LRRTM4: variants seen among roughly 807,000 people sequenced by gnomAD.
LRRTM4 encodes the protein leucine rich repeat transmembrane neuronal 4.
Under a neutral mutation model 47.6 loss-of-function variants are expected in LRRTM4, and 25 were observed. The observed-to-expected ratio is 0.53, with a 90% confidence interval of 0.38 to 0.73. The LOEUF is 0.73. LRRTM4 is among the 30% of genes least tolerant of loss of function. LRRTM4 has a pLI of 0.00. For missense variants in LRRTM4, 638 were observed against 713.4 expected, an observed-to-expected ratio of 0.89 and a Z score of 1.20; for synonymous variants, 311 against 269.5, an observed-to-expected ratio of 1.15 and a Z score of -1.51.
chr2:77,204,693 G>C (rs563982677), intron 3 of LRRTM4, among the ~76,000 whole-genome samples: 2 of 152,104 alleles, frequency 1.3e-5, no homozygotes, highest in Non-Finnish European at 2.9e-5. Context: ...TTGTTAAAAA[G>C]TTTGATTGTG....
At chr2:77,404,163 C>T (rs1674074997) in intron 3 of LRRTM4, among the ~76,000 whole-genome samples, 1 of 151,852 alleles carries the variant, frequency 6.6e-6, no homozygotes, top group South Asian at 2.1e-4. Context: ...GTTCTTATTA[C>T]AGGAATACCA....
At chr2:77,087,667 T>A (rs1025756329) in intron 3 of LRRTM4, among the ~76,000 whole-genome samples, 1 of 152,124 alleles carries the variant, frequency 6.6e-6, no homozygotes, top group African/African-American at 2.4e-5. Context: ...CCCAACAGCA[T>A]AGGATAAAAA....
chr2:77,041,710 T>A (rs1679040330), intron 3 of LRRTM4, among the ~76,000 whole-genome samples: 2 of 151,322 alleles, frequency 1.3e-5, no homozygotes, highest in South Asian at 4.2e-4. Flanking sequence ...TTTTGAGAAG[T>A]ATCTATTCAC....
At chr2:76,872,912 G>A (rs146775181) in intron 3 of LRRTM4, among the ~76,000 whole-genome samples, 4 of 152,128 alleles carry the variant, frequency 2.6e-5, no homozygotes, top group African/African-American at 9.6e-5. Context: ...TCCCTCTCTT[G>A]CCAAATGATC....
chr2:76,780,603 G>A (rs1490569611), intron 3 of LRRTM4, among the ~76,000 whole-genome samples: 1 of 152,022 alleles, frequency 6.6e-6, no homozygotes, highest in Admixed American at 6.6e-5. Flanking sequence ...TTGGTTTTCA[G>A]CTCCATCACC....
chr2:77,491,470 A>G (rs561200446), intron 3 of LRRTM4, among the ~76,000 whole-genome samples: 2 of 152,052 alleles, frequency 1.3e-5, no homozygotes, highest in African/African-American at 4.8e-5. Context: ...AGTTTGACTC[A>G]TCCTGACCAA....
intron 3 of LRRTM4, among the ~76,000 whole-genome samples, chr2:77,265,670 A>C (rs1481058639): frequency 6.6e-6 from 1 of 152,146 alleles, no homozygotes; most frequent in African/African-American, 2.4e-5. Context: ...ATGTACAAAG[A>C]AGTGTACTAT....
rs1343522788 is a variant in LRRTM4 at position 77,077,616 on chromosome 2, CT to C, written c.1552-328701del. Among the ~76,000 whole-genome samples, 7 of 152,068 alleles carry C rather than the reference CT, an allele frequency of 4.6e-5. No homozygotes were observed. In the East Asian group the frequency reaches 1.4e-3, roughly 29 times the overall value. On this transcript the variant is annotated intron_variant, in intron 3 of 3. Coordinates refer to ENST00000409884, the MANE Select transcript of LRRTM4 (RefSeq NM_001134745.3). ...AAGTATAGCTCAGTGATCTGGGAAC[CT>C]ACTGAGATAATTCCAGTGCCCAAGA... is the stretch of plus-strand genomic sequence containing the variant.
intron 3 of LRRTM4, among the ~76,000 whole-genome samples, chr2:76,861,130 G>C (rs1358882294): frequency 6.6e-6 from 1 of 151,904 alleles, no homozygotes; most frequent in African/African-American, 2.4e-5. Context: ...TTTAGGTTTT[G>C]ATTTACTTAT....
chr2:77,335,439 G>C (rs570601664), intron 3 of LRRTM4, among the ~76,000 whole-genome samples: 2 of 152,210 alleles, frequency 1.3e-5, no homozygotes, highest in Non-Finnish European at 2.9e-5. Flanking sequence ...TCTCCCCACT[G>C]CCTGAAATGC....
intron 3 of LRRTM4, among the ~76,000 whole-genome samples, chr2:77,208,821 C>T (rs1449656700): frequency 6.6e-6 from 1 of 152,074 alleles, no homozygotes; most frequent in South Asian, 2.1e-4. Flanking sequence ...TGGAACGGTA[C>T]TTATATTTGC....
chr2:76,897,577 G>A (rs1030239164), intron 3 of LRRTM4, among the ~76,000 whole-genome samples: 1 of 152,116 alleles, frequency 6.6e-6, no homozygotes, highest in Admixed American at 6.6e-5. Flanking sequence ...GAGTAAGAAG[G>A]AGTCTCAAAT....
At chr2:76,781,226 C>A (rs1477404895) in intron 3 of LRRTM4, among the ~76,000 whole-genome samples, 1 of 152,344 alleles carries the variant, frequency 6.6e-6, no homozygotes, top group South Asian at 2.1e-4. Flanking sequence ...GCCCTGCCCC[C>A]AGAGGTGGAG....
chr2:76,911,935 T>G (rs1482152969), intron 3 of LRRTM4, among the ~76,000 whole-genome samples: 101 of 94,496 alleles, frequency 1.1e-3, no homozygotes, highest in Non-Finnish European at 1.5e-3. Context: ...ATGTGCTTTT[T>G]GGGGGGGGGG....
At chr2:77,002,314 A>T (rs1222920146) in intron 3 of LRRTM4, among the ~76,000 whole-genome samples, 1 of 152,274 alleles carries the variant, frequency 6.6e-6, no homozygotes, top group Middle Eastern at 3.4e-3. Flanking sequence ...GATTTCTAAA[A>T]GAGAAGCTGG....
chr2:76,934,041 T>C (rs1674859024), intron 3 of LRRTM4, among the ~76,000 whole-genome samples: 2 of 152,164 alleles, frequency 1.3e-5, no homozygotes, highest in Non-Finnish European at 2.9e-5. Context: ...CACATTGATT[T>C]ATCAGTGTTC....
chr2:77,350,416 A>C (rs887562947), intron 3 of LRRTM4, among the ~76,000 whole-genome samples: 3 of 151,390 alleles, frequency 2.0e-5, no homozygotes, highest in Non-Finnish European at 4.4e-5. Flanking sequence ...AATTGATAAA[A>C]ATTAATACAT....
At chr2:77,470,431 G>T (rs1677145756) in intron 3 of LRRTM4, among the ~76,000 whole-genome samples, 1 of 152,076 alleles carries the variant, frequency 6.6e-6, no homozygotes, top group Non-Finnish European at 1.5e-5. Context: ...CTTTTGAAAA[G>T]GAAGATATAA....
intron 3 of LRRTM4, among the ~76,000 whole-genome samples, chr2:77,381,606 A>G (rs1180036840): frequency 6.6e-6 from 1 of 152,072 alleles, no homozygotes; most frequent in Non-Finnish European, 1.5e-5. Context: ...TTATCTTCAT[A>G]TGATGAAGAT....
Sources: allele counts gnomAD v4.1 joint callset (sites outside exome capture counted in the v4.1 genomes callset), GRCh38; gene constraint gnomAD v4.1.1; transcripts MANE v1.5; gene names NCBI Gene and HGNC (gene_info 2026-07-23, HGNC 2026-07-21).